The following TSPAN14 variants were observed in gnomAD, a reference collection of about 807,000 sequenced individuals.
The protein encoded by TSPAN14 is tetraspanin-14.
TSPAN14 carries 16 observed loss-of-function variants against 36.6 expected under a neutral mutation model. The ratio of observed to expected loss-of-function variants is 0.44; its 90% CI spans 0.30 to 0.66. TSPAN14 has a LOEUF of 0.66. Among genes scored for constraint, TSPAN14 ranks in the 30% least tolerant of loss-of-function variants. The pLI is 0.12. For synonymous variants in TSPAN14, 139 were observed against 143.8 expected (o/e 0.97, Z 0.24); for missense variants, 231 against 355.1 (o/e 0.65, Z 2.81).
At chr10:80,493,085 T>G (rs1848009668) in intron 2 of TSPAN14, among the ~76,000 whole-genome samples, 1 of 152,164 alleles carries the variant, frequency 6.6e-6, no homozygotes, top group African/African-American at 2.4e-5. Flanking sequence ...CAACATGGCT[T>G]TTTGAGAGCG....
At position 80,509,169 on chromosome 10, in the gene TSPAN14, C is replaced by G; in HGVS notation, c.280-132C>G. 1 of 947,992 alleles carries G rather than the reference C, an allele frequency of 1.1e-6. No individual in the cohort carries two copies. Among genetic ancestry groups the G allele is most frequent in the Non-Finnish European group, 1.6e-6 (1 of 640,270 alleles). 58.7% of individuals were successfully genotyped at this position (947,992 alleles called of 1,614,324 possible). A position where few individuals can be genotyped will look rare whatever the true frequency, so the allele number is the denominator to read the frequency against. On this transcript the variant is annotated intron_variant, in intron 4 of 8. Transcript: ENST00000429989. The surrounding 1 kb of genome is among the most constrained non-coding windows in gnomAD (Gnocchi z 4.7). Reference sequence around the variant, plus strand: ...AACTCTAAGTGTGGGGTTCTGGGGCCCCGATGTGGGACTCTCAGGTGCAGA... The same window carrying G: ...AACTCTAAGTGTGGGGTTCTGGGGCGCCGATGTGGGACTCTCAGGTGCAGA...
chr10:80,516,103 C>A, intron 7 of TSPAN14, 101 bp from the exon 8 acceptor site: 1 of 1,573,872 alleles, frequency 6.4e-7, no homozygotes, highest in South Asian at 1.1e-5. Flanking sequence ...ATCCCTCGTT[C>A]CCACCCTGCT....
chr10:80,472,573 A>G (rs972036714), intron 1 of TSPAN14, among the ~76,000 whole-genome samples: 4 of 152,210 alleles, frequency 2.6e-5, no homozygotes, highest in Admixed American at 2.0e-4. Context: ...CCCATTGCAG[A>G]TTCTTGGCAC....
intron 1 of TSPAN14, among the ~76,000 whole-genome samples, chr10:80,465,716 G>A (rs1361684251): frequency 6.6e-6 from 1 of 152,192 alleles, no homozygotes; most frequent in Non-Finnish European, 1.5e-5. Context: ...GGCAGAAAAA[G>A]CCACTCTCAG....
chr10:80,505,244 C>T (rs1840221261), intron 3 of TSPAN14, among the ~76,000 whole-genome samples: 1 of 152,192 alleles, frequency 6.6e-6, no homozygotes, highest in African/African-American at 2.4e-5. Context: ...CTCTGGGCCT[C>T]CTTGCCCAGC....
chr10:80,501,417 G>A (rs1341982628), intron 2 of TSPAN14, among the ~76,000 whole-genome samples: 1 of 151,946 alleles, frequency 6.6e-6, no homozygotes, highest in African/African-American at 2.4e-5. Flanking sequence ...CTCAGCCTGA[G>A]GCTGGTATTA....
At position 80,479,653 on chromosome 10, in the gene TSPAN14, T is replaced by A. The variant is rs1239237509; in HGVS notation, c.-17-9564T>A. 2.0e-5 allele frequency among the ~76,000 whole-genome samples: 3 copies of A among 152,220 alleles called. No homozygotes were observed. In the East Asian group the frequency reaches 5.8e-4, roughly 29 times the overall value. On this transcript the variant is annotated intron_variant, in intron 1 of 8. Coordinates refer to ENST00000429989, the Ensembl canonical transcript of TSPAN14. ...CTCTGTTCTGTTCCATTGGTCTATATCTCTGTTTTGGTGCCAGTACCATGC... is the reference window on the plus strand; with the variant it reads ...CTCTGTTCTGTTCCATTGGTCTATAACTCTGTTTTGGTGCCAGTACCATGC...
At chr10:80,508,398 G>A (rs4633400) in intron 4 of TSPAN14, among the ~76,000 whole-genome samples, 1 of 152,140 alleles carries the variant, frequency 6.6e-6, no homozygotes, top group South Asian at 2.1e-4. Context: ...GATTACAGGC[G>A]TGAACCACCG....
intron 4 of TSPAN14, among the ~76,000 whole-genome samples, 171 bp downstream of exon 4, chr10:80,507,545 G>T (rs1318444976): frequency 1.3e-5 from 2 of 152,234 alleles, no homozygotes; most frequent in Non-Finnish European, 2.9e-5. Context: ...AGAGAAGCTG[G>T]TTCCTCCCAG....
In TSPAN14 at chr10:80,476,527, TG is replaced by T. The variant is rs1846915659; in HGVS notation, c.-17-12689del. On this transcript the variant is annotated intron_variant, in intron 1 of 8. Transcript: ENST00000429989. ...GCCTCCCGGGTTCACGCCATTCTCC[TG>T]TCTCAGCCTCCCGAGTAGCTGGGAA... Among the ~76,000 whole-genome samples the T allele has an allele frequency of 2.0e-5, 3 of 148,472 alleles. No homozygotes were observed. In the South Asian group the frequency reaches 6.6e-4, roughly 33 times the overall value.
chr10:80,492,660 C>CA (rs1301082353), intron 2 of TSPAN14, among the ~76,000 whole-genome samples: 1 of 152,010 alleles, frequency 6.6e-6, no homozygotes, highest in South Asian at 2.1e-4. Flanking sequence ...ACTAAAAATA[C>CA]AAAAAATTAG....
At chr10:80,484,262 T>G (rs910286561) in intron 1 of TSPAN14, among the ~76,000 whole-genome samples, 1 of 151,876 alleles carries the variant, frequency 6.6e-6, no homozygotes, top group African/African-American at 2.4e-5. Flanking sequence ...AAGTGTAAAA[T>G]AGTATATCTG....
intron 1 of TSPAN14, among the ~76,000 whole-genome samples, chr10:80,475,494 A>G (rs994904170): frequency 1.4e-4 from 22 of 152,120 alleles, no homozygotes; most frequent in African/African-American, 4.8e-4. Context: ...TGAAGCTGGG[A>G]GTTTAAGATC....
chr10:80,475,998 G>A (rs1002786263), intron 1 of TSPAN14, among the ~76,000 whole-genome samples: 1 of 152,138 alleles, frequency 6.6e-6, no homozygotes, highest in Admixed American at 6.5e-5. Flanking sequence ...ATATAAAATG[G>A]TGTAGTATTT....
chr10:80,489,157 T>G, intron 1 of TSPAN14, 60 bp from the exon 2 acceptor site: 1 of 1,152,792 alleles, frequency 8.7e-7, no homozygotes, highest in Non-Finnish European at 1.3e-6. Flanking sequence ...TATGAGCTGG[T>G]TTGGGGGAAA....
chr10:80,486,228 C>A (rs1281120228), intron 1 of TSPAN14, among the ~76,000 whole-genome samples: 2 of 152,234 alleles, frequency 1.3e-5, no homozygotes, highest in African/African-American at 4.8e-5. Context: ...GCCAGGCGCC[C>A]TGTGGAGAAT....
At chr10:80,464,131 G>A (rs568474300) in intron 1 of TSPAN14, among the ~76,000 whole-genome samples, 2 of 152,148 alleles carry the variant, frequency 1.3e-5, no homozygotes, top group African/African-American at 2.4e-5. Context: ...AAGGGGGAGC[G>A]TTGGTTGCAG....
chr10:80,481,340 C>T (rs1012858713), intron 1 of TSPAN14, among the ~76,000 whole-genome samples: 2 of 152,132 alleles, frequency 1.3e-5, no homozygotes, highest in African/African-American at 4.8e-5. Flanking sequence ...TGTGAAAAAA[C>T]TCAGGGTAGA....
chr10:80,511,714 C>A (rs1488732668), intron 5 of TSPAN14, among the ~76,000 whole-genome samples: 44 of 7,436 alleles, frequency 5.9e-3, no homozygotes, highest in African/African-American at 0.013. Flanking sequence ...GGCAGGTCCT[C>A]TCTCTCTCTC....
Sources: gnomAD v4.1 joint callset for allele counts (sites outside exome capture counted in the v4.1 genomes callset) on GRCh38, gnomAD v4.1.1 for gene constraint, Gnocchi (gnomAD v3.1) non-coding constraint, MANE v1.5 for transcripts, NCBI Gene and HGNC (gene_info 2026-07-23, HGNC 2026-07-21) for gene names.